Variants in FTCD observed in about 807,000 individuals in gnomAD.
FTCD encodes formimidoyltransferase cyclodeaminase, also known as formimidoyltransferase-cyclodeaminase.
In FTCD, 76 loss-of-function variants were observed where a neutral mutation model predicts 62.9. That is an observed-to-expected ratio of 1.21 (90% CI 1.00 to 1.46). The LOEUF (loss-of-function observed/expected upper bound fraction) is 1.46, where lower values mean the gene tolerates loss of function less well. FTCD is among the 40% of genes most tolerant of loss of function. The probability of loss-of-function intolerance (pLI) is 0.00; values close to 1 mark genes in which losing one functional copy is unlikely to be tolerated. For synonymous variants in FTCD, 397 were observed against 336.9 expected, an observed-to-expected ratio of 1.18 and a Z score of -1.95; for missense variants, 845 against 751.3, an observed-to-expected ratio of 1.12 and a Z score of -1.46.
In FTCD at chr21:46,151,752, G is replaced by A. The variant is rs748656562; in HGVS notation, c.457-15C>T. On this transcript the variant is annotated splice_polypyrimidine_tract_variant and intron_variant, in intron 4 of 13. Transcript: ENST00000397746. ...GCCTGCTGGAGCTGTGAGCAAGTTC[G>A]CTCTGGGGTGAGACATCCCCCACGG... 4 of 1,612,314 alleles carry A rather than the reference G, an allele frequency of 2.5e-6. No homozygotes were observed. The highest frequency in any genetic ancestry group is 1.1e-5 in the South Asian group (1 of 91,052).
chr21:46,150,132 T>G lies in FTCD; in HGVS notation c.893A>C (p.Gln298Pro), dbSNP rs1168422981. Residue 298 changes from glutamine (Q) to proline (P), a missense_variant, in exon 7 of 14, where the codon CAG (glutamine) becomes CCG (proline). Transcript: ENST00000397746. ...AGCCCGGCCCACCAGCCTGATCCGC[T>G]GCTCCTCCTCCAGGATGAAGAGGTT... ...KENLFILEEE[Q>P]RIRLVVSRLG... 6.4e-7 allele frequency: 1 copy of G among 1,553,698 alleles called. No individual in the cohort carries two copies.
chr21:46,140,568 C>A (rs1370778079), intron 10 of FTCD, among the ~76,000 whole-genome samples: 5 of 136,814 alleles, frequency 3.7e-5, no homozygotes, highest in East Asian at 2.2e-4. Context: ...ACTCCCCGTC[C>A]ACCTTCACGT....
intron 1 of FTCD, 88 bp from the exon 2 acceptor site, chr21:46,154,420 A>G (rs2079381881): frequency 6.9e-7 from 1 of 1,449,134 alleles, no homozygotes; most frequent in Non-Finnish European, 9.4e-7. Flanking sequence ...CCGAGACACA[A>G]ATGGGGGCTG....
chr21:46,146,469 G>C, intron 7 of FTCD, 142 bp from the exon 8 acceptor site: 1 of 670,134 alleles, frequency 1.5e-6, no homozygotes, highest in Non-Finnish European at 2.7e-6. Flanking sequence ...GGGCAGGGGC[G>C]TGGCTGGCAC....
At chr21:46,154,431 A>G in intron 1 of FTCD, 99 bp from the exon 2 acceptor site, 1 of 1,405,652 alleles carries the variant, frequency 7.1e-7, no homozygotes. Flanking sequence ...ATGGGGGCTG[A>G]GGAGGCGGGC....
At chr21:46,141,078 GTTTTTTAATTATTCACCTTA>G (rs1439185835) in intron 10 of FTCD, among the ~76,000 whole-genome samples, 1 of 152,162 alleles carries the variant, frequency 6.6e-6, no homozygotes, top group Non-Finnish European at 1.5e-5. Flanking sequence ...TTTCCTACTT[GTTTTTTAATTATTCACCTTA>G]TTTTAAATTT....
intron 8 of FTCD, 98 bp from the exon 9 acceptor site, chr21:46,146,045 C>A: frequency 1.3e-6 from 1 of 789,582 alleles, no homozygotes; most frequent in East Asian, 2.7e-5. Context: ...TCTGCACCCA[C>A]GGGGAGGTGA....
intron 13 of FTCD, 35 bp from the exon 14 acceptor site, chr21:46,137,108 CCA>C (rs767293645): frequency 6.2e-7 from 1 of 1,613,260 alleles, no homozygotes; most frequent in Admixed American, 1.7e-5. Flanking sequence ...TCTGGTAGTT[CCA>C]GTCTTCAGCC....
chr21:46,139,307 G>A (rs1702727499), intron 10 of FTCD, among the ~76,000 whole-genome samples: 1 of 152,186 alleles, frequency 6.6e-6, no homozygotes, highest in Admixed American at 6.5e-5. Flanking sequence ...CTGGGCATAA[G>A]AGGCTCAGAC....
Position 46,151,558 on chromosome 21 carries a change from C to A in FTCD, c.636G>T (p.Gln212His). The part of the protein sequence containing the change: ...NLREQGRGKD[Q>H]PGRLKKVQGI... The stretch of plus-strand genomic sequence containing the variant: ...CCATGGGGTCAGTGAACGGGGTCAC[C>A]TGGTCCTTCCCGCGGCCCTGCTCCC... Residue 212 changes from glutamine to histidine, a missense_variant and splice_region_variant, in exon 5 of 14, where the codon CAG (glutamine) becomes CAT (histidine). Coordinates refer to ENST00000397746, the MANE Select transcript of FTCD (RefSeq NM_206965.2). 6.2e-7 allele frequency: 1 copy of A among 1,612,204 alleles called. No individual in the cohort carries two copies.
chr21:46,136,299 G>A (rs1400735042), downstream of FTCD: 5 of 692,880 alleles, frequency 7.2e-6, no homozygotes, highest in East Asian at 8.1e-5. Flanking sequence ...GAACTTCTCT[G>A]GAGACAGGAG....
intron 5 of FTCD, 86 bp downstream of exon 5, chr21:46,151,472 A>G: frequency 7.9e-7 from 1 of 1,263,134 alleles, no homozygotes; most frequent in Non-Finnish European, 1.1e-6. Flanking sequence ...CCCCATCCCC[A>G]CCGACCTCCC....
rs537497792 is a variant in FTCD at position 46,147,702 on chromosome 21, G to A, written c.907-1375C>T. Among the ~76,000 whole-genome samples the A allele has an allele frequency of 1.4e-4, 22 of 152,212 alleles. No homozygotes were observed. The South Asian group carries it at 4.4e-3, about 30-fold the overall frequency. On this transcript the variant is annotated intron_variant, in intron 7 of 13. Transcript: ENST00000397746. The stretch of plus-strand genomic sequence containing the variant: ...GCCTGTAATCCCAGTGCTTTGGGAG[G>A]CTGAGGCGGACGGATCACGAGGTCA...
chr21:46,154,631 C>T (rs1349135429), intron 1 of FTCD, among the ~76,000 whole-genome samples: 2 of 152,222 alleles, frequency 1.3e-5, no homozygotes, highest in Admixed American at 6.5e-5. Context: ...GAGACGTGGC[C>T]GGGGATCCAA....
rs540210123 is a variant in FTCD, at chr21:46,151,483, C to T, written c.636+75G>A. 131 of 1,381,004 alleles carry T rather than the reference C, an allele frequency of 9.5e-5. 6 individuals are homozygous for T. The South Asian group carries it at 1.2e-3, about 13-fold the overall frequency. The allele number at this position is 1,381,004 out of a possible 1,614,324, so 85.5% of individuals were successfully genotyped here. On this transcript the variant is annotated intron_variant, in intron 5 of 13. Coordinates refer to ENST00000397746, the MANE Select transcript of FTCD (RefSeq NM_206965.2). ...GGTGCCCCATCCCCACCGACCTCCC[C>T]GCCTGAGGCTCTCAGCCTCTAACCC...
At position 46,136,795 on chromosome 21, in the gene FTCD, T is replaced by C. The variant is rs1188129868; in HGVS notation, c.*192A>G. 6.5e-7 allele frequency: 1 copy of C among 1,528,744 alleles called. No individual in the cohort carries two copies. Among genetic ancestry groups the C allele is most frequent in the South Asian group, 1.2e-5 (1 of 81,064 alleles). 94.7% of individuals were successfully genotyped at this position (1,528,744 alleles called of 1,614,324 possible). On this transcript the variant is annotated 3_prime_UTR_variant, in exon 14 of 14. Transcript: ENST00000397746. ...CAACACAGGTTTGGTGCCAAAACTT[T>C]ACTGGAGGTCACATGGGACTAGGGG... is the stretch of plus-strand genomic sequence containing the variant.
intron 9 of FTCD, 92 bp downstream of exon 9, chr21:46,145,726 C>T: frequency 2.7e-6 from 1 of 371,546 alleles, no homozygotes. Flanking sequence ...CCGCGCCCTC[C>T]CCACCCCGTG....
chr21:46,138,411 C>T (rs2078917960), intron 12 of FTCD, 97 bp downstream of exon 12: 1 of 1,262,278 alleles, frequency 7.9e-7, no homozygotes, highest in South Asian at 1.3e-5. Flanking sequence ...CCCTACCTGG[C>T]TCAGCCCAGC....
chr21:46,150,212 G>A lies in FTCD; in HGVS notation c.813C>T (p.Gly271=). The stretch of plus-strand genomic sequence containing the variant: ...CCAGCAGAGCCTTCAGGGGCACCAG[G>A]CCCACCAGCTGTGAGCCCACCACTG... ...SLPVVGSQLV[G]LVPLKALLDA... The change falls in exon 7 of 14, where the codon GGC becomes GGT. Residue 271 remains glycine (G), a synonymous_variant. Transcript: ENST00000397746. 3 of 1,609,590 alleles carry A rather than the reference G, an allele frequency of 1.9e-6. No homozygotes were observed. Among genetic ancestry groups the A allele is most frequent in the South Asian group, 1.1e-5 (1 of 90,404 alleles).
Sources: gnomAD v4.1 joint callset for allele counts (sites outside exome capture counted in the v4.1 genomes callset) on GRCh38, gnomAD v4.1.1 for gene constraint, MANE v1.5 for transcripts, NCBI Gene and HGNC (gene_info 2026-07-23, HGNC 2026-07-21) for gene names.